The following ARL6IP6 variants were observed in gnomAD, a reference collection of about 807,000 sequenced individuals.
ARL6IP6 encodes the protein ARF like GTPase 6 interacting protein 6, also known as ADP-ribosylation factor-like protein 6-interacting protein 6.
In ARL6IP6, 22 loss-of-function variants were observed where a neutral mutation model predicts 21.5. The observed-to-expected ratio is 1.02, with a 90% CI of 0.73 to 1.46. The LOEUF is 1.46. Ranked by LOEUF, ARL6IP6 falls within the 40% of genes most tolerant of loss-of-function variation. The probability of loss-of-function intolerance (pLI) is 0.00; values close to 1 mark genes in which losing one functional copy is unlikely to be tolerated. For synonymous variants in ARL6IP6, 164 were observed against 125.3 expected, an observed-to-expected ratio of 1.31 and a Z score of -2.06; for missense variants, 388 against 299.8, an observed-to-expected ratio of 1.29 and a Z score of -2.17.
chr2:152,739,260 C>T (rs1298167159), intron 3 of ARL6IP6, among the ~76,000 whole-genome samples: 1 of 152,200 alleles, frequency 6.6e-6, no homozygotes, highest in Non-Finnish European at 1.5e-5. Flanking sequence ...ACTGGGATTA[C>T]AGGCGTGAGC....
chr2:152,741,062 C>G (rs181476492), intron 3 of ARL6IP6, among the ~76,000 whole-genome samples: 1 of 151,900 alleles, frequency 6.6e-6, no homozygotes, highest in Admixed American at 6.6e-5. Flanking sequence ...TATCAATATG[C>G]GACATCATAC....
intron 3 of ARL6IP6, among the ~76,000 whole-genome samples, chr2:152,737,517 T>C (rs1266236956): frequency 6.6e-6 from 1 of 152,202 alleles, no homozygotes; most frequent in Non-Finnish European, 1.5e-5. Flanking sequence ...TACCCAAGAC[T>C]GGGTAATTTA....
intron 3 of ARL6IP6, among the ~76,000 whole-genome samples, chr2:152,745,548 A>G (rs180708325): frequency 3.3e-5 from 5 of 152,188 alleles, no homozygotes; most frequent in Admixed American, 1.3e-4. Context: ...TTCCATGCAG[A>G]CTAGATTTAA....
intron 2 of ARL6IP6, among the ~76,000 whole-genome samples, chr2:152,723,962 T>TA (rs1699911482): frequency 6.6e-6 from 1 of 151,242 alleles, no homozygotes; most frequent in Non-Finnish European, 1.5e-5. Flanking sequence ...ACCTATACTC[T>TA]ATTAAGAAAG....
chr2:152,755,450 A>AC (rs899664919), intron 3 of ARL6IP6, among the ~76,000 whole-genome samples: 1 of 152,118 alleles, frequency 6.6e-6, no homozygotes, highest in Non-Finnish European at 1.5e-5. Flanking sequence ...CTCCTGGTCC[A>AC]CCCACTTTCA....
Position 152,753,859 on chromosome 2 carries a change from G to A in ARL6IP6, c.588-5888G>A, listed in dbSNP as rs968719349. ...CTACAGGCGCTCGCCACCACGCCACGCCCAGCTAATTTTTTGTATTTTTAG... is the reference window on the plus strand; with the variant it reads ...CTACAGGCGCTCGCCACCACGCCACACCCAGCTAATTTTTTGTATTTTTAG... On this transcript the variant is annotated intron_variant, in intron 3 of 3. Coordinates refer to ENST00000326446, the MANE Select transcript of ARL6IP6 (RefSeq NM_152522.7). 9.2e-5 allele frequency among the ~76,000 whole-genome samples: 14 copies of A among 151,902 alleles called. 1 individual carries two copies. The South Asian group carries it at 2.3e-3, about 25-fold the overall frequency.
At chr2:152,749,964 G>T (rs1022873005) in intron 3 of ARL6IP6, among the ~76,000 whole-genome samples, 2 of 152,284 alleles carry the variant, frequency 1.3e-5, no homozygotes, top group Middle Eastern at 3.4e-3. Context: ...TCTTAACAAT[G>T]TTGATTTAGC....
At position 152,760,278 on chromosome 2, in the gene ARL6IP6, A is replaced by G. The variant is rs1701776174; in HGVS notation, c.*438A>G. 6.5e-6 allele frequency: 1 copy of G among 152,930 alleles called. No individual in the cohort carries two copies. The highest frequency in any genetic ancestry group is 2.1e-4 in the South Asian group (1 of 4,846). 9.5% of individuals were successfully genotyped at this position (152,930 alleles called of 1,614,324 possible). Reference sequence around the variant, plus strand: ...TACTTCTTATTTATACATTTAGGAAAGCAAATAATGCCTACTACTCCGACT... The same window carrying G: ...TACTTCTTATTTATACATTTAGGAAGGCAAATAATGCCTACTACTCCGACT... On this transcript the variant is annotated 3_prime_UTR_variant, in exon 4 of 4. Transcript: ENST00000326446.
rs766811549 is a variant in ARL6IP6 at position 152,734,991 on chromosome 2, A to C, written c.455-3A>C. On this transcript the variant is annotated splice_region_variant and splice_polypyrimidine_tract_variant and intron_variant, in intron 2 of 3. Transcript: ENST00000326446. ...ACTTTTTCCCCTCTCTTTTCCTGTT[A>C]AGGATTCTGGACTCTACTTATAATA... 33 of 1,611,546 alleles carry C rather than the reference A, an allele frequency of 2.0e-5. No individual in the cohort carries two copies. The highest frequency in any genetic ancestry group is 2.7e-5 in the Non-Finnish European group (32 of 1,178,136).
intron 3 of ARL6IP6, among the ~76,000 whole-genome samples, chr2:152,749,979 TA>T (rs1200684359): frequency 1.3e-5 from 2 of 152,214 alleles, no homozygotes; most frequent in Non-Finnish European, 2.9e-5. Flanking sequence ...TTTAGCAGGT[TA>T]AATTATATCC....
At chr2:152,739,090 C>G (rs971175053) in intron 3 of ARL6IP6, among the ~76,000 whole-genome samples, 3 of 151,918 alleles carry the variant, frequency 2.0e-5, no homozygotes, top group Non-Finnish European at 4.4e-5. Context: ...TCATGCCATT[C>G]TCCTGCCTCA....
chr2:152,745,453 G>A (rs978857816), intron 3 of ARL6IP6, among the ~76,000 whole-genome samples: 1 of 152,156 alleles, frequency 6.6e-6, no homozygotes, highest in African/African-American at 2.4e-5. Context: ...ATATACGAGT[G>A]TTACAGGTTC....
chr2:152,729,068 A>C (rs1296944787), intron 2 of ARL6IP6, among the ~76,000 whole-genome samples: 1 of 151,904 alleles, frequency 6.6e-6, no homozygotes, highest in Non-Finnish European at 1.5e-5. Context: ...AAAAAAAAAA[A>C]AAAATTAATA....
chr2:152,754,722 A>C (rs1701498354), intron 3 of ARL6IP6, among the ~76,000 whole-genome samples: 1 of 151,960 alleles, frequency 6.6e-6, no homozygotes, highest in South Asian at 2.1e-4. Context: ...CCTCACCAAC[A>C]CTTGTTTTCT....
chr2:152,752,069 G>GT (rs1459077602), intron 3 of ARL6IP6, among the ~76,000 whole-genome samples: 3 of 152,174 alleles, frequency 2.0e-5, no homozygotes, highest in Non-Finnish European at 4.4e-5. Flanking sequence ...ATAAAGGTAA[G>GT]TTGCTTCTGA....
chr2:152,724,674 C>T (rs940368189), intron 2 of ARL6IP6, among the ~76,000 whole-genome samples: 6 of 152,100 alleles, frequency 3.9e-5, no homozygotes, highest in Non-Finnish European at 8.8e-5. Flanking sequence ...TTGGGAGGGA[C>T]GTTTCTTAGG....
chr2:152,762,226 G>T lies in ARL6IP6; in HGVS notation c.*2386G>T, dbSNP rs1701874626. On this transcript the variant is annotated 3_prime_UTR_variant, in exon 4 of 4. Transcript: ENST00000326446. ...TAAGATGTGACGAAGCTGGGAAAAT[G>T]CAAGCCCAGGAAATGCTGGCAGCTG... Among the ~76,000 whole-genome samples, 1 of 152,164 alleles carries T rather than the reference G, an allele frequency of 6.6e-6. No individual in the cohort carries two copies. Among genetic ancestry groups the T allele is most frequent in the Non-Finnish European group, 1.5e-5 (1 of 68,050 alleles).
intron 2 of ARL6IP6, among the ~76,000 whole-genome samples, chr2:152,732,995 A>C (rs1410475206): frequency 7.9e-5 from 12 of 152,052 alleles, no homozygotes; most frequent in Admixed American, 7.9e-4. Context: ...TCTGTGTCTT[A>C]TATGAGTCTT....
chr2:152,718,455 T>A (rs1287768740), upstream of ARL6IP6: 1 of 912,776 alleles, frequency 1.1e-6, no homozygotes, highest in Non-Finnish European at 1.5e-6. Flanking sequence ...GCCTCTCCTT[T>A]GGCCCTGCGG....
Sources: allele counts gnomAD v4.1 joint callset (sites outside exome capture counted in the v4.1 genomes callset), GRCh38; gene constraint gnomAD v4.1.1; transcripts MANE v1.5; gene names NCBI Gene and HGNC (gene_info 2026-07-23, HGNC 2026-07-21).